Variants in GRM5 observed in about 807,000 individuals in gnomAD.
The protein encoded by GRM5 is metabotropic glutamate receptor 5.
GRM5 carries 19 observed loss-of-function variants against 83.1 expected under a neutral mutation model. The observed-to-expected ratio is 0.23, with a 90% CI of 0.16 to 0.34. The LOEUF is 0.34. Among genes scored for constraint, GRM5 ranks in the 10% least tolerant of loss-of-function variants. The probability of loss-of-function intolerance (pLI) is 1.00; values close to 1 mark genes in which losing one functional copy is unlikely to be tolerated. For synonymous variants in GRM5, 675 were observed against 633.6 expected, an observed-to-expected ratio of 1.07 and a Z score of -0.98; for missense variants, 1,160 against 1,588.3, an observed-to-expected ratio of 0.73 and a Z score of 4.58.
At chr11:88,804,550 C>T (rs1036595491) in intron 3 of GRM5, among the ~76,000 whole-genome samples, 10 of 151,438 alleles carry the variant, frequency 6.6e-5, no homozygotes, top group African/African-American at 1.7e-4. Flanking sequence ...GTGGCGGGAG[C>T]GGGGAGGGAT....
At chr11:88,648,653 T>A (rs1235476856) in intron 4 of GRM5, among the ~76,000 whole-genome samples, 1 of 148,438 alleles carries the variant, frequency 6.7e-6, no homozygotes, top group African/African-American at 2.5e-5. Flanking sequence ...TAAAGTATAA[T>A]AAAAAAAAAA....
intron 4 of GRM5, among the ~76,000 whole-genome samples, chr11:88,648,654 A>T (rs1591409763): frequency 9.3e-4 from 5 of 5,366 alleles, no homozygotes; most frequent in Admixed American, 6.8e-3. Flanking sequence ...AAAGTATAAT[A>T]AAAAAAAAAA....
intron 2 of GRM5, among the ~76,000 whole-genome samples, chr11:88,959,369 C>A (rs1392015515): frequency 6.6e-6 from 1 of 151,832 alleles, no homozygotes; most frequent in Non-Finnish European, 1.5e-5. Context: ...TAATATTATG[C>A]AAATTTTAAC....
Position 88,578,265 on chromosome 11 carries a change from A to G in GRM5, c.1691-10273T>C, listed in dbSNP as rs554964920. On this transcript the variant is annotated intron_variant, in intron 7 of 9. Coordinates refer to ENST00000305447, the MANE Select transcript of GRM5 (RefSeq NM_001143831.3). ...AGGAGGAATTTATCTGCTTCATATT[A>G]CTCATATAATATATCAATGCTTTGT... Among the ~76,000 whole-genome samples, 32 of 152,210 alleles carry G rather than the reference A, an allele frequency of 2.1e-4. 1 individual carries two copies. Among genetic ancestry groups the G allele is most frequent in the African/African-American group, 7.5e-4 (31 of 41,554 alleles).
chr11:88,762,078 A>C (rs1476748474), intron 3 of GRM5, among the ~76,000 whole-genome samples: 2 of 152,120 alleles, frequency 1.3e-5, no homozygotes, highest in Admixed American at 6.6e-5. Flanking sequence ...GTAAAACCCC[A>C]AAAACCTTGG....
intron 6 of GRM5, among the ~76,000 whole-genome samples, chr11:88,594,925 C>T (rs763849915): frequency 1.2e-4 from 18 of 152,144 alleles, no homozygotes; most frequent in South Asian, 2.1e-4. Context: ...TTTTTCCTTA[C>T]GGCATTGCAT....
At chr11:88,684,810 A>G (rs2135349918) in intron 3 of GRM5, among the ~76,000 whole-genome samples, 1 of 152,076 alleles carries the variant, frequency 6.6e-6, no homozygotes, top group Middle Eastern at 3.4e-3. Context: ...TATCTGCCTC[A>G]TTTTTTTCTT....
In GRM5 at chr11:88,647,855, A is replaced by G. The variant is rs199502043; in HGVS notation, c.1147+5313T>C. On this transcript the variant is annotated intron_variant, in intron 4 of 9. Transcript: ENST00000305447. ...AAAAGTGGGTGAAGGACATCAACAG[A>G]CACTTCTCAAAAGAAGACATTTATG... Among the ~76,000 whole-genome samples the G allele has an allele frequency of 7.9e-5, 12 of 152,278 alleles. No homozygotes were observed. In the East Asian group the frequency reaches 2.3e-3, roughly 29 times the overall value.
At chr11:88,554,184 C>A (rs748078896) in intron 8 of GRM5, among the ~76,000 whole-genome samples, 6 of 152,010 alleles carry the variant, frequency 3.9e-5, no homozygotes, top group Non-Finnish European at 8.8e-5. Flanking sequence ...TTGTATTTTT[C>A]GGCTTCTAGA....
rs202035119 is a variant in GRM5, at chr11:88,508,317, G to T, written c.*275C>A. ...CAAAGCACTTGGTATGGAACTGTTT[G>T]AAGAGACGCCTTGTCAGCCCTCAAA... On this transcript the variant is annotated 3_prime_UTR_variant, in exon 10 of 10. Coordinates refer to ENST00000305447, the MANE Select transcript of GRM5 (RefSeq NM_001143831.3). This position sits in a 1 kb window ranked among gnomAD's most constrained non-coding sequence, Gnocchi z 4.2. 21 of 346,976 alleles carry T rather than the reference G, an allele frequency of 6.1e-5. No individual in the cohort carries two copies. Among genetic ancestry groups the T allele is most frequent in the Non-Finnish European group, 1.1e-4 (21 of 192,680 alleles). 21.5% of individuals were successfully genotyped at this position (346,976 alleles called of 1,614,324 possible).
At chr11:89,027,855 T>G (rs1003570650) in intron 2 of GRM5, among the ~76,000 whole-genome samples, 16 of 152,196 alleles carry the variant, frequency 1.1e-4, no homozygotes, top group African/African-American at 3.9e-4. Context: ...AAAACACATG[T>G]TGAAATTTGC....
chr11:88,628,573 G>A (rs1938872105), intron 4 of GRM5, among the ~76,000 whole-genome samples: 1 of 152,134 alleles, frequency 6.6e-6, no homozygotes, highest in African/African-American at 2.4e-5. Context: ...AATTGAATTG[G>A]CAGGGTCAGT....
At chr11:89,039,197 G>A (rs948214171) in intron 2 of GRM5, among the ~76,000 whole-genome samples, 5 of 151,698 alleles carry the variant, frequency 3.3e-5, no homozygotes, top group African/African-American at 4.8e-5. Flanking sequence ...CCTGGGAGGC[G>A]GAGGTTGCAG....
intron 8 of GRM5, among the ~76,000 whole-genome samples, chr11:88,532,373 C>G (rs1247518454): frequency 6.6e-6 from 1 of 151,810 alleles, no homozygotes; most frequent in East Asian, 1.9e-4. Context: ...CAAGAAAGTG[C>G]CAAAAATAGT....
intron 2 of GRM5, among the ~76,000 whole-genome samples, chr11:88,871,270 A>G (rs60296648): frequency 0.12 from 18,727 of 151,532 alleles, 1,950 homozygotes; most frequent in East Asian, 0.27. Flanking sequence ...TCAAATAACT[A>G]TTAAAGGGAC....
chr11:88,863,311 G>A (rs1944600776), intron 2 of GRM5, among the ~76,000 whole-genome samples: 2 of 151,914 alleles, frequency 1.3e-5, no homozygotes, highest in Non-Finnish European at 2.9e-5. Context: ...ACAAGCATGT[G>A]TATGTTCATT....
intron 3 of GRM5, among the ~76,000 whole-genome samples, chr11:88,766,759 C>T (rs763748124): frequency 2.0e-5 from 3 of 151,950 alleles, no homozygotes. Context: ...ACAGAGTAAA[C>T]AGACAACCTA....
chr11:88,667,652 G>A (rs1259568117), intron 3 of GRM5, among the ~76,000 whole-genome samples: 7 of 152,132 alleles, frequency 4.6e-5, no homozygotes, highest in Non-Finnish European at 1.0e-4. Context: ...CCAGCACTTT[G>A]GGAGGCCAAT....
chr11:88,624,422 C>T (rs888560875), intron 4 of GRM5, among the ~76,000 whole-genome samples: 4 of 152,062 alleles, frequency 2.6e-5, no homozygotes, highest in Non-Finnish European at 4.4e-5. Context: ...TAAGAGAAAA[C>T]CCGGGGCCAT....
Sources: gnomAD v4.1 joint callset for allele counts (sites outside exome capture counted in the v4.1 genomes callset) on GRCh38, gnomAD v4.1.1 for gene constraint, Gnocchi (gnomAD v3.1) non-coding constraint, MANE v1.5 for transcripts, NCBI Gene and HGNC (gene_info 2026-07-23, HGNC 2026-07-21) for gene names.